The following CDC14B variants were observed in gnomAD, a reference collection of about 807,000 sequenced individuals.
CDC14B encodes dual specificity protein phosphatase CDC14B.
A neutral mutation model predicts 64.2 loss-of-function variants in CDC14B; 22 were observed. That is an observed-to-expected ratio of 0.34 (90% CI 0.24 to 0.49). The LOEUF is 0.49. Ranked by LOEUF, CDC14B falls within the 20% of genes least tolerant of loss-of-function variation. The probability of loss-of-function intolerance (pLI) is 0.99; values close to 1 mark genes in which losing one functional copy is unlikely to be tolerated. For synonymous variants in CDC14B, 191 were observed against 215.8 expected, an observed-to-expected ratio of 0.89 and a Z score of 1.01; for missense variants, 498 against 629.9, an observed-to-expected ratio of 0.79 and a Z score of 2.24.
chr9:96,541,170 A>T (rs1840003684), intron 6 of CDC14B, among the ~76,000 whole-genome samples: 1 of 152,226 alleles, frequency 6.6e-6, no homozygotes, highest in Non-Finnish European at 1.5e-5. Flanking sequence ...CCTGACATTA[A>T]TACCAGGACT....
Position 96,502,468 on chromosome 9 carries a change from T to C in CDC14B, c.*1285A>G, listed in dbSNP as rs1207668294. ...GCTTAGGAGGGCATTTGTTTCCCAC[T>C]GCCTGTCGACATCTCAGCCCTCCAT... On this transcript the variant is annotated 3_prime_UTR_variant, in exon 14 of 14. Transcript: ENST00000375241. 5.9e-6 allele frequency: 1 copy of C among 169,530 alleles called. No homozygotes were observed. Among genetic ancestry groups the C allele is most frequent in the African/African-American group, 2.4e-5 (1 of 42,298 alleles). 10.5% of individuals were successfully genotyped at this position (169,530 alleles called of 1,614,324 possible). A position where few individuals can be genotyped will look rare whatever the true frequency, so the allele number is the denominator to read the frequency against.
At chr9:96,514,651 T>C in intron 12 of CDC14B, 7 of 985,462 alleles carry the variant, frequency 7.1e-6, no homozygotes, top group Non-Finnish European at 7.2e-6. Flanking sequence ...TTTGCATTCT[T>C]TCATAACTTC....
At chr9:96,618,745 G>A (rs10978371) in intron 1 of CDC14B, 9 of 375,234 alleles carry the variant, frequency 2.4e-5, no homozygotes, top group Admixed American at 1.5e-4. Context: ...CGGGGGTTTG[G>A]CCAACGCCAA....
chr9:96,613,353 A>G (rs1847435271), intron 1 of CDC14B, among the ~76,000 whole-genome samples: 1 of 152,200 alleles, frequency 6.6e-6, no homozygotes, highest in African/African-American at 2.4e-5. Flanking sequence ...AACTGGGAAC[A>G]TTCCTTCCCA....
intron 1 of CDC14B, among the ~76,000 whole-genome samples, chr9:96,580,458 C>T (rs1280757197): frequency 6.6e-6 from 1 of 152,114 alleles, no homozygotes; most frequent in Non-Finnish European, 1.5e-5. Flanking sequence ...CTTGAATTCC[C>T]CACCTCAGGT....
chr9:96,577,532 T>G lies in CDC14B; in HGVS notation c.161-12049A>C, dbSNP rs56166547. Among the ~76,000 whole-genome samples, 1,102 of 152,292 alleles carry G rather than the reference T, an allele frequency of 7.2e-3. 13 individuals are homozygous for G. Among genetic ancestry groups the G allele is most frequent in the Non-Finnish European group, 0.011 (740 of 68,022 alleles). ...ATTAAAAAGTTGAACATAATAATTC[T>G]GGCTCTCCACATCCCAGGCCATGGT... On this transcript the variant is annotated intron_variant, in intron 1 of 13. Transcript: ENST00000375241.
intron 1 of CDC14B, among the ~76,000 whole-genome samples, chr9:96,568,457 C>T (rs2117908916): frequency 6.6e-6 from 1 of 152,292 alleles, no homozygotes; most frequent in East Asian, 1.9e-4. Context: ...CTATGAGGTA[C>T]TATTTTTTCC....
At chr9:96,511,020 C>T (rs1268543690) in intron 12 of CDC14B, among the ~76,000 whole-genome samples, 3 of 152,176 alleles carry the variant, frequency 2.0e-5, no homozygotes, top group Non-Finnish European at 4.4e-5. Flanking sequence ...ACTTAACAAG[C>T]TTTCTTCTCT....
At chr9:96,593,705 G>A (rs560833647) in intron 1 of CDC14B, among the ~76,000 whole-genome samples, 2 of 152,134 alleles carry the variant, frequency 1.3e-5, no homozygotes, top group East Asian at 3.9e-4. Flanking sequence ...TCTAAAAAGG[G>A]ATAGCACACC....
At chr9:96,598,502 A>G (rs1369702641) in intron 1 of CDC14B, among the ~76,000 whole-genome samples, 7 of 152,044 alleles carry the variant, frequency 4.6e-5, no homozygotes, top group African/African-American at 1.7e-4. Context: ...ACACCCAGCT[A>G]ATTTTTGTAT....
At chr9:96,528,503 C>G (rs1837926157) in intron 9 of CDC14B, among the ~76,000 whole-genome samples, 1 of 150,940 alleles carries the variant, frequency 6.6e-6, no homozygotes, top group Non-Finnish European at 1.5e-5. Context: ...GTCTGGGAAA[C>G]AGAGTGAAAG....
intron 7 of CDC14B, among the ~76,000 whole-genome samples, chr9:96,536,763 G>A (rs1305609226): frequency 1.7e-4 from 26 of 152,150 alleles, no homozygotes. Flanking sequence ...CCCAGTGCTG[G>A]GGAGCAAGTC....
Position 96,523,745 on chromosome 9 carries a change from C to A in CDC14B, c.947-20G>T, listed in dbSNP as rs1246566247. ...GGCCAGCTAGGAAAATAAAGAAGCA[C>A]AGAAATGAAACTTGGGCTGATGTAC... On this transcript the variant is annotated intron_variant, in intron 9 of 13. Coordinates refer to ENST00000375241, the MANE Select transcript of CDC14B (RefSeq NM_033331.4). 1 of 1,606,538 alleles carries A rather than the reference C, an allele frequency of 6.2e-7. No homozygotes were observed. The highest frequency in any genetic ancestry group is 8.5e-7 in the Non-Finnish European group (1 of 1,174,132).
chr9:96,607,413 C>CTTTTT (rs999912549), intron 1 of CDC14B, among the ~76,000 whole-genome samples: 9 of 66,346 alleles, frequency 1.4e-4, no homozygotes, highest in Admixed American at 3.6e-4. Flanking sequence ...AACGTGATGT[C>CTTTTT]TTTTTTTTTT....
rs755281460 is a variant in CDC14B, at chr9:96,523,331, T to A, written c.1175A>T (p.Lys392Ile). The A allele has an allele frequency of 1.2e-6, 2 of 1,614,172 alleles. No individual in the cohort carries two copies. The highest frequency in any genetic ancestry group is 8.5e-7 in the Non-Finnish European group (1 of 1,180,020). ...ENGQHRAAFSKLLSGVDDISI... is the reference protein window; with the variant it reads ...ENGQHRAAFSILLSGVDDISI... ...AATGTCATCAACGCCAGAGAGAAGT[T>A]TGGAGAAGGCTGCTCTGTGTTGTCC... The change falls in exon 11 of 14, where the codon AAA becomes ATA. Residue 392 changes from lysine to isoleucine, a missense_variant. Transcript: ENST00000375241.
At position 96,619,367 on chromosome 9, in the gene CDC14B, T is replaced by G; in HGVS notation, c.12A>C (p.Lys4Asn). 6 of 1,223,230 alleles carry G rather than the reference T, an allele frequency of 4.9e-6. No individual in the cohort carries two copies. The highest frequency in any genetic ancestry group is 6.1e-6 in the Non-Finnish European group (6 of 979,994). 75.8% of individuals were successfully genotyped at this position (1,223,230 alleles called of 1,614,324 possible). Reference sequence around the variant, plus strand: ...CGGCCCAGCTCGACCGCCGCTCGCTTTTCCGCTTCATGGAGGCGGCCGCGG... The same window carrying G: ...CGGCCCAGCTCGACCGCCGCTCGCTGTTCCGCTTCATGGAGGCGGCCGCGG... MKR[K>N]SERRSSWAAA... Residue 4 changes from lysine (K) to asparagine (N), a missense_variant, in exon 1 of 14, where the codon AAA (lysine) becomes AAC (asparagine). Coordinates refer to ENST00000375241, the MANE Select transcript of CDC14B (RefSeq NM_033331.4).
In CDC14B at chr9:96,619,217, A is replaced by G; in HGVS notation, c.160+2T>C. 7.7e-7 allele frequency: 1 copy of G among 1,306,450 alleles called. No individual in the cohort carries two copies. Among genetic ancestry groups the G allele is most frequent in the South Asian group, 2.8e-5 (1 of 35,662 alleles). The allele number at this position is 1,306,450 out of a possible 1,614,324, so 80.9% of individuals were successfully genotyped here. A position where few individuals can be genotyped will look rare whatever the true frequency, so the allele number is the denominator to read the frequency against. ...CCTCCGCGCGCCCACTGGCCGGCTCACCGGTGATGTCCAGGTACACGTCGT... is the reference window on the plus strand; with the variant it reads ...CCTCCGCGCGCCCACTGGCCGGCTCGCCGGTGATGTCCAGGTACACGTCGT... On this transcript the variant is annotated splice_donor_variant, in intron 1 of 13. Coordinates refer to ENST00000375241, the MANE Select transcript of CDC14B (RefSeq NM_033331.4). LOFTEE classifies it high-confidence loss of function.
At chr9:96,596,190 T>C (rs540578525) in intron 1 of CDC14B, among the ~76,000 whole-genome samples, 7 of 151,936 alleles carry the variant, frequency 4.6e-5, no homozygotes, top group Middle Eastern at 3.4e-3. Context: ...GGTGAAACCC[T>C]GTCTCTACTA....
chr9:96,566,307 A>G (rs1001423594), intron 1 of CDC14B, among the ~76,000 whole-genome samples: 2 of 152,010 alleles, frequency 1.3e-5, no homozygotes, highest in Non-Finnish European at 1.5e-5. Context: ...CCTTTAAAAT[A>G]TATATACTTT....
Sources: allele counts gnomAD v4.1 joint callset (sites outside exome capture counted in the v4.1 genomes callset), GRCh38; gene constraint gnomAD v4.1.1; transcripts MANE v1.5; gene names NCBI Gene and HGNC (gene_info 2026-07-23, HGNC 2026-07-21).